SLC25A26: variants seen among roughly 807,000 people sequenced by gnomAD.
The protein encoded by SLC25A26 is solute carrier family 25 member 26.
A neutral mutation model predicts 37.8 loss-of-function variants in SLC25A26; 36 were observed. The observed-to-expected ratio is 0.95, with a 90% CI of 0.73 to 1.26. The LOEUF is 1.26. SLC25A26 is among the 50% of genes most tolerant of loss of function. The pLI, the probability that SLC25A26 is intolerant of heterozygous loss-of-function variation, is 0.00. For missense variants in SLC25A26, 390 were observed against 331.1 expected, an observed-to-expected ratio of 1.18 and a Z score of -1.38; for synonymous variants, 129 against 122.5, an observed-to-expected ratio of 1.05 and a Z score of -0.35.
At chr3:66,204,680 C>T (rs1385736486) in intron 1 of SLC25A26, among the ~76,000 whole-genome samples, 2 of 152,056 alleles carry the variant, frequency 1.3e-5, no homozygotes, top group South Asian at 2.1e-4. Context: ...TGTATAAGTT[C>T]GGCAAAGATT....
chr3:66,337,800 C>CA (rs998514752), intron 5 of SLC25A26, among the ~76,000 whole-genome samples: 1 of 151,844 alleles, frequency 6.6e-6, no homozygotes, highest in African/African-American at 2.4e-5. Context: ...CATGCAGTAC[C>CA]CATCACCAAC....
chr3:66,268,580 T>G (rs2073844082), intron 5 of SLC25A26, among the ~76,000 whole-genome samples: 1 of 152,220 alleles, frequency 6.6e-6, no homozygotes. Flanking sequence ...CCAGGCGAAG[T>G]GCCTTCTGTA....
chr3:66,289,775 T>C (rs926677355), intron 5 of SLC25A26, among the ~76,000 whole-genome samples: 2 of 152,218 alleles, frequency 1.3e-5, no homozygotes, highest in African/African-American at 4.8e-5. Context: ...TTTGTTCTTT[T>C]GCTTAGGATT....
chr3:66,149,190 A>G (rs1480924500), intron 1 of SLC25A26, among the ~76,000 whole-genome samples: 2 of 152,142 alleles, frequency 1.3e-5, no homozygotes, highest in Non-Finnish European at 2.9e-5. Flanking sequence ...TCTAGAAAAT[A>G]AAGTATCTCT....
intron 5 of SLC25A26, among the ~76,000 whole-genome samples, chr3:66,340,165 A>T (rs1053380244): frequency 1.3e-5 from 2 of 152,096 alleles, no homozygotes; most frequent in Non-Finnish European, 2.9e-5. Context: ...TTAACCATAT[A>T]TGTGAAGTCT....
chr3:66,205,052 A>G (rs1253858997), intron 1 of SLC25A26, among the ~76,000 whole-genome samples: 1 of 152,164 alleles, frequency 6.6e-6, no homozygotes, highest in Non-Finnish European at 1.5e-5. Flanking sequence ...TATTTGTTTT[A>G]TTTGGGTTTT....
At chr3:66,352,570 A>G (rs1355507270) in intron 6 of SLC25A26, among the ~76,000 whole-genome samples, 1 of 150,208 alleles carries the variant, frequency 6.7e-6, no homozygotes, top group East Asian at 1.9e-4. Flanking sequence ...GATTTTTTTC[A>G]TATTTTTGAA....
chr3:66,251,942 T>C (rs1202206588), intron 3 of SLC25A26, among the ~76,000 whole-genome samples: 1 of 151,506 alleles, frequency 6.6e-6, no homozygotes, highest in Non-Finnish European at 1.5e-5. Context: ...GTTAACTTTT[T>C]ATTTAAGAGC....
At chr3:66,246,572 G>A (rs940736585) in intron 3 of SLC25A26, among the ~76,000 whole-genome samples, 3 of 152,152 alleles carry the variant, frequency 2.0e-5, no homozygotes, top group Non-Finnish European at 2.9e-5. Context: ...CATTTGATAT[G>A]TGGACTGTTA....
At chr3:66,157,724 C>G (rs181485804) in intron 1 of SLC25A26, among the ~76,000 whole-genome samples, 1 of 152,318 alleles carries the variant, frequency 6.6e-6, no homozygotes, top group East Asian at 1.9e-4. Flanking sequence ...ATCACACTTA[C>G]AAGTTTCATT....
At chr3:66,284,665 A>G (rs1356745444) in intron 5 of SLC25A26, among the ~76,000 whole-genome samples, 2 of 152,038 alleles carry the variant, frequency 1.3e-5, no homozygotes, top group Non-Finnish European at 2.9e-5. Context: ...TTGCAACAAC[A>G]TGGATCAATC....
chr3:66,347,319 GA>G (rs2076349642), intron 6 of SLC25A26, among the ~76,000 whole-genome samples: 2 of 152,176 alleles, frequency 1.3e-5, no homozygotes, highest in South Asian at 4.2e-4. Context: ...CGAAGGACAT[GA>G]ACAGACACTT....
chr3:66,155,799 T>C (rs572143057), intron 1 of SLC25A26, among the ~76,000 whole-genome samples: 5 of 152,162 alleles, frequency 3.3e-5, no homozygotes, highest in African/African-American at 1.2e-4. Flanking sequence ...TCTCCCTACT[T>C]CCCTCTTCTC....
chr3:66,198,211 A>G (rs1451401919), intron 1 of SLC25A26, among the ~76,000 whole-genome samples: 2 of 152,176 alleles, frequency 1.3e-5, no homozygotes, highest in South Asian at 2.1e-4. Flanking sequence ...TTTTCAGAAC[A>G]GGATGATAAT....
At chr3:66,283,527 C>T (rs867056361) in intron 5 of SLC25A26, among the ~76,000 whole-genome samples, 3 of 152,128 alleles carry the variant, frequency 2.0e-5, no homozygotes, top group African/African-American at 7.2e-5. Flanking sequence ...AGCAGTCTGC[C>T]TACCTTGGCA....
intron 1 of SLC25A26, among the ~76,000 whole-genome samples, chr3:66,225,025 G>A (rs2071676145): frequency 6.6e-6 from 1 of 152,140 alleles, no homozygotes; most frequent in African/African-American, 2.4e-5. Context: ...TGTTTTCATG[G>A]GCTGGCATTC....
rs144470969 is a variant in SLC25A26 at position 66,285,536 on chromosome 3, T to C, written c.453+22157T>C. ...GTGCAGTGGTGTAGTCATGGCTCAC[T>C]GCAACCTCTGCCTCCCGGGTTCAAG... On this transcript the variant is annotated intron_variant, in intron 5 of 9. Coordinates refer to ENST00000354883, the MANE Select transcript of SLC25A26 (RefSeq NM_001379210.1). Among the ~76,000 whole-genome samples the C allele has an allele frequency of 1.7e-4, 25 of 149,996 alleles. No homozygotes were observed. In the East Asian group the frequency reaches 5.0e-3, roughly 30 times the overall value.
At chr3:66,352,428 G>GTTTTTTTTTTTTTTTTTTTTTTTTT (rs1242977476) in intron 6 of SLC25A26, among the ~76,000 whole-genome samples, 1 of 126,686 alleles carries the variant, frequency 7.9e-6, no homozygotes, top group African/African-American at 3.4e-5. Flanking sequence ...CTCGTTTTTT[G>GTTTTTTTTTTTTTTTTTTTTTTTTT]TTTTTTGTTT....
At chr3:66,282,425 C>T (rs1284286481) in intron 5 of SLC25A26, among the ~76,000 whole-genome samples, 1 of 151,950 alleles carries the variant, frequency 6.6e-6, no homozygotes, top group Non-Finnish European at 1.5e-5. Context: ...AGATTACAGG[C>T]ATGAGCCACT....
Sources: allele counts gnomAD v4.1 joint callset (sites outside exome capture counted in the v4.1 genomes callset), GRCh38; gene constraint gnomAD v4.1.1; transcripts MANE v1.5; gene names NCBI Gene and HGNC (gene_info 2026-07-23, HGNC 2026-07-21).